The following NCKAP5 variants were observed in gnomAD, a reference collection of about 807,000 sequenced individuals.
The protein encoded by NCKAP5 is nck-associated protein 5.
NCKAP5 carries 92 observed loss-of-function variants against 167.0 expected under a neutral mutation model. That is an observed-to-expected ratio of 0.55 (90% CI 0.47 to 0.66). The LOEUF is 0.66. Among genes scored for constraint, NCKAP5 ranks in the 30% least tolerant of loss-of-function variants. NCKAP5 has a pLI of 0.00. For synonymous variants in NCKAP5, 891 were observed against 877.4 expected, an observed-to-expected ratio of 1.02 and a Z score of -0.27; for missense variants, 2,378 against 2,315.0, an observed-to-expected ratio of 1.03 and a Z score of -0.56.
chr2:133,661,643 G>A, the NCKAP5 span, among the ~76,000 whole-genome samples: 1 of 152,150 alleles, frequency 6.6e-6, no homozygotes, highest in African/African-American at 2.4e-5. Context: ...TCATGCAGCT[G>A]ATTTTGTTTT....
At chr2:133,103,760 T>G (rs1345596940) in intron 6 of NCKAP5, among the ~76,000 whole-genome samples, 1 of 152,178 alleles carries the variant, frequency 6.6e-6, no homozygotes, top group Non-Finnish European at 1.5e-5. Context: ...AGCCTTGGCA[T>G]CAGAGAGAGG....
At chr2:133,108,872 T>C (rs141464889) in intron 6 of NCKAP5, among the ~76,000 whole-genome samples, 1 of 152,358 alleles carries the variant, frequency 6.6e-6, no homozygotes, top group Non-Finnish European at 1.5e-5. Context: ...GATTTCCTTC[T>C]TTTTTAATGA....
At chr2:133,352,681 G>A (rs995698890) in intron 3 of NCKAP5, among the ~76,000 whole-genome samples, 2 of 152,194 alleles carry the variant, frequency 1.3e-5, no homozygotes, top group African/African-American at 4.8e-5. Flanking sequence ...GTACAAGAGA[G>A]CATGTGTTCA....
intron 6 of NCKAP5, among the ~76,000 whole-genome samples, chr2:133,128,673 C>G (rs776440570): frequency 1.3e-5 from 2 of 152,004 alleles, no homozygotes; most frequent in Non-Finnish European, 2.9e-5. Context: ...TCTCGGCTCA[C>G]TGCAAACTCC....
At chr2:133,383,543 C>A (rs927610314) in intron 3 of NCKAP5, among the ~76,000 whole-genome samples, 14 of 152,106 alleles carry the variant, frequency 9.2e-5, no homozygotes, top group Admixed American at 7.2e-4. Context: ...ATGTGTCTTT[C>A]TAGCAGCATG....
At chr2:133,611,519 G>A in the NCKAP5 span, among the ~76,000 whole-genome samples, 1 of 152,192 alleles carries the variant, frequency 6.6e-6, no homozygotes, top group African/African-American at 2.4e-5. Flanking sequence ...CTATCAGTAA[G>A]AGACAAAGCA....
chr2:133,391,553 C>A (rs2150990465), intron 3 of NCKAP5, among the ~76,000 whole-genome samples: 1 of 152,244 alleles, frequency 6.6e-6, no homozygotes, highest in African/African-American at 2.4e-5. Flanking sequence ...TCTTCCTTCT[C>A]TATCTTCTTG....
At chr2:133,127,204 CAA>C (rs1282291583) in intron 6 of NCKAP5, among the ~76,000 whole-genome samples, 3 of 152,112 alleles carry the variant, frequency 2.0e-5, no homozygotes, top group African/African-American at 7.2e-5. Flanking sequence ...GAGAATTTTT[CAA>C]AGACTTAATA....
Position 132,860,606 on chromosome 2 carries a change from T to C in NCKAP5, c.693A>G (p.Leu231=). The C allele has an allele frequency of 6.4e-7, 1 of 1,570,708 alleles. No individual in the cohort carries two copies. The highest frequency in any genetic ancestry group is 2.3e-5 in the East Asian group (1 of 43,296). Residue 231 remains leucine (L), a synonymous_variant, in exon 11 of 20, where the codon CTA becomes CTG. Coordinates refer to ENST00000409261, the MANE Select transcript of NCKAP5 (RefSeq NM_207363.3). ...TTTTCAACTTCACACATTCCTCTCTTAGATCCTACAACAAACACATCGAAG... is the reference window on the plus strand; with the variant it reads ...TTTTCAACTTCACACATTCCTCTCTCAGATCCTACAACAAACACATCGAAG... ...VVQALLTQKD[L]REECVKLKTR...
intron 19 of NCKAP5, among the ~76,000 whole-genome samples, chr2:132,722,039 T>C (rs1689976743): frequency 6.6e-6 from 1 of 152,196 alleles, no homozygotes; most frequent in Non-Finnish European, 1.5e-5. Flanking sequence ...GGGACTCACT[T>C]CATTTTGCAG....
At chr2:133,605,048 A>G in the NCKAP5 span, among the ~76,000 whole-genome samples, 3 of 152,260 alleles carry the variant, frequency 2.0e-5, no homozygotes, top group East Asian at 5.8e-4. Context: ...GTAGGTAGAG[A>G]ACATTTTGCA....
At chr2:133,298,425 A>G (rs1367568554) in intron 4 of NCKAP5, among the ~76,000 whole-genome samples, 1 of 152,222 alleles carries the variant, frequency 6.6e-6, no homozygotes. Flanking sequence ...GAAGGAAAAT[A>G]GAAGTAACTG....
At position 133,542,499 on chromosome 2, in the gene NCKAP5, C is replaced by A. The variant is rs572409113; in HGVS notation, c.-62+16551G>T. ...GTCCTCCACCACTACCCTGTCATCC[C>A]ACGCTATCCAGTTTTAAACCTTCCT... is the stretch of plus-strand genomic sequence containing the variant. On this transcript the variant is annotated intron_variant, in intron 2 of 19. Coordinates refer to ENST00000409261, the MANE Select transcript of NCKAP5 (RefSeq NM_207363.3). 3.3e-5 allele frequency among the ~76,000 whole-genome samples: 5 copies of A among 152,306 alleles called. No homozygotes were observed. The South Asian group carries it at 1.0e-3, about 32-fold the overall frequency.
intron 6 of NCKAP5, among the ~76,000 whole-genome samples, chr2:133,102,658 A>G (rs933574828): frequency 1.3e-5 from 2 of 151,900 alleles, no homozygotes; most frequent in Non-Finnish European, 2.9e-5. Flanking sequence ...TACTTTATTT[A>G]CATCTCTGTT....
chr2:133,021,003 T>C (rs1046237736), intron 6 of NCKAP5, among the ~76,000 whole-genome samples: 2 of 151,830 alleles, frequency 1.3e-5, no homozygotes, highest in African/African-American at 4.8e-5. Context: ...CAAAATAACC[T>C]CCCTCTCTGC....
At chr2:133,240,394 C>T (rs2087629427) in intron 4 of NCKAP5, among the ~76,000 whole-genome samples, 1 of 152,132 alleles carries the variant, frequency 6.6e-6, no homozygotes, top group Non-Finnish European at 1.5e-5. Flanking sequence ...CAACAAAGCC[C>T]TGATGAAAAG....
At position 132,865,893 on chromosome 2, in the gene NCKAP5, T is replaced by TGGG. The variant is rs370887646; in HGVS notation, c.687+3040_687+3042dup. On this transcript the variant is annotated intron_variant, in intron 10 of 19. Transcript: ENST00000409261. Reference sequence around the variant, plus strand: ...CTTTGTGGATTTAAAGTGCTGCATGTGGGGTCTGAAGGCTTGTAAATGCCT... The same window carrying TGGG: ...CTTTGTGGATTTAAAGTGCTGCATGTGGGGGGGTCTGAAGGCTTGTAAATGCCT... Among the ~76,000 whole-genome samples the TGGG allele has an allele frequency of 4.0e-4, 61 of 152,280 alleles. 1 individual carries two copies. The highest frequency in any genetic ancestry group is 1.4e-3 in the African/African-American group (58 of 41,566).
At chr2:133,434,955 G>A (rs1005962819) in intron 3 of NCKAP5, among the ~76,000 whole-genome samples, 11 of 152,166 alleles carry the variant, frequency 7.2e-5, no homozygotes, top group Admixed American at 3.3e-4. Flanking sequence ...TTAGATAAAA[G>A]CTAGGAGAAC....
intron 8 of NCKAP5, among the ~76,000 whole-genome samples, chr2:132,919,500 G>A (rs756082653): frequency 3.3e-5 from 5 of 152,060 alleles, no homozygotes; most frequent in South Asian, 2.1e-4. Context: ...CACTGAACAC[G>A]CAAACTAGCT....
Sources: gnomAD v4.1 joint callset for allele counts (sites outside exome capture counted in the v4.1 genomes callset) on GRCh38, gnomAD v4.1.1 for gene constraint, MANE v1.5 for transcripts, NCBI Gene and HGNC (gene_info 2026-07-23, HGNC 2026-07-21) for gene names.